ANK1: variants seen among roughly 807,000 people sequenced by gnomAD.
ANK1 encodes the protein ankyrin-1.
Under a neutral mutation model 210.4 loss-of-function variants are expected in ANK1, and 51 were observed. The observed-to-expected ratio is 0.24, with a 90% CI of 0.19 to 0.31. The LOEUF is 0.31. Among genes scored for constraint, ANK1 ranks in the 10% least tolerant of loss-of-function variants. The pLI, the probability that ANK1 is intolerant of heterozygous loss-of-function variation, is 1.00. For synonymous variants in ANK1, 967 were observed against 1,025.9 expected (o/e 0.94, Z 1.10); for missense variants, 2,051 against 2,504.4 (o/e 0.82, Z 3.86).
At position 41,661,513 on chromosome 8, in the gene ANK1, C is replaced by G. The variant is rs1808180274; in HGVS notation, c.5596G>C (p.Gly1866Arg). Residue 1866 changes from glycine (G) to arginine (R), a missense_variant, in exon 42 of 43, where the codon GGG becomes CGG. Around this residue, in one of 6 missense-constraint regions of ANK1, gnomAD observed 496 missense variants for 533.4 expected, o/e 0.93. Transcript: ENST00000289734. The stretch of plus-strand genomic sequence containing the variant: ...CTGGCCCGCTTCACTATCTGCGCCC[C>G]CTTCCTGCCCTCTATCAGGTCCGGC... ...LQPDLIEGRK[G>R]AQIVKRASLK... The G allele has an allele frequency of 6.2e-7, 1 of 1,613,998 alleles. No homozygotes were observed. The highest frequency in any genetic ancestry group is 1.3e-5 in the African/African-American group (1 of 74,930).
rs916332474 is a variant in ANK1, at chr8:41,676,129, C to G, written c.4538-3217G>C. Among the ~76,000 whole-genome samples the G allele has an allele frequency of 2.6e-5, 4 of 152,166 alleles. No individual in the cohort carries two copies. The East Asian group carries it at 5.8e-4, about 22-fold the overall frequency. The stretch of plus-strand genomic sequence containing the variant: ...GGGTAAATAGCTAGGAATGGAATGA[C>G]TTGATTGTACAGTAGGTATATGTTT... On this transcript the variant is annotated intron_variant, in intron 37 of 42. Transcript: ENST00000289734.
intron 36 of ANK1, 75 bp downstream of exon 36, chr8:41,686,077 A>G: frequency 6.2e-7 from 1 of 1,608,158 alleles, no homozygotes. Flanking sequence ...AGTGTCATGA[A>G]TGGAATTTGA....
intron 1 of ANK1, among the ~76,000 whole-genome samples, chr8:41,815,021 C>A (rs139982825): frequency 3.9e-5 from 6 of 152,082 alleles, no homozygotes; most frequent in African/African-American, 1.4e-4. Context: ...ATTTCGAGAT[C>A]AAAAAGATTT....
In ANK1 at chr8:41,714,188, G is replaced by A; in HGVS notation, c.1768C>T (p.Pro590Ser). ...GGGCTGTGCGGGGAGCCGCCCCGGG[G>A]AAGCAGCAGCTTGACGATGTCCAGG... Reference protein sequence around the residue: ...NNLDIVKLLLPRGGSPHSPAW... With the variant: ...NNLDIVKLLLSRGGSPHSPAW... Residue 590 changes from proline to serine, a missense_variant, in exon 16 of 43, where the codon CCC (proline) becomes TCC (serine). Physicochemically the swap from Pro to Ser is moderately conservative, Grantham distance 74. Around this residue, in one of 6 missense-constraint regions of ANK1, gnomAD observed 1,413 missense variants for 1,707.4 expected, o/e 0.83. Transcript: ENST00000289734. 1 of 1,469,704 alleles carries A rather than the reference G, an allele frequency of 6.8e-7. No individual in the cohort carries two copies. The highest frequency in any genetic ancestry group is 1.5e-5 in the South Asian group (1 of 64,990). 91.0% of individuals were successfully genotyped at this position (1,469,704 alleles called of 1,614,324 possible).
chr8:41,747,381 CTT>C (rs1836454827), intron 2 of ANK1, among the ~76,000 whole-genome samples: 1 of 152,156 alleles, frequency 6.6e-6, no homozygotes, highest in African/African-American at 2.4e-5. Flanking sequence ...TGTCCCCTCT[CTT>C]TGCCACACTG....
Position 41,694,991 on chromosome 8 carries a change from G to A in ANK1, c.3115+186C>T, listed in dbSNP as rs190019933. ...CCCAGAGGCCCAGCAGAGCAGATGC[G>A]GCTGCAGGCAGCCGCTGAGCATCCT... On this transcript the variant is annotated intron_variant, in intron 27 of 42. Coordinates refer to ENST00000289734, the MANE Select transcript of ANK1 (RefSeq NM_000037.4). The surrounding 1 kb of genome is among the most constrained non-coding windows in gnomAD (Gnocchi z 5.7). Among the ~76,000 whole-genome samples the A allele has an allele frequency of 3.7e-3, 570 of 152,288 alleles. 3 individuals carry two copies. The highest frequency in any genetic ancestry group is 0.013 in the African/African-American group (542 of 41,562).
intron 1 of ANK1, among the ~76,000 whole-genome samples, chr8:41,878,670 C>G (rs1587584037): frequency 6.6e-6 from 1 of 152,304 alleles, no homozygotes; most frequent in East Asian, 1.9e-4. Context: ...TAACACAGAA[C>G]AGAGCATTGA....
At chr8:41,659,546 A>T (rs147987043) in intron 42 of ANK1, among the ~76,000 whole-genome samples, 2 of 152,322 alleles carry the variant, frequency 1.3e-5, no homozygotes, top group Non-Finnish European at 2.9e-5. Flanking sequence ...GGATGCGGAT[A>T]GTAAATTAGG....
At chr8:41,661,809 G>C in intron 41 of ANK1, 67 bp downstream of exon 41, 1 of 1,613,922 alleles carries the variant, frequency 6.2e-7, no homozygotes, top group Non-Finnish European at 8.5e-7. Context: ...ACCTTGGAGT[G>C]TTTCATAAAG....
chr8:41,714,724 G>A (rs189532847), intron 15 of ANK1, among the ~76,000 whole-genome samples: 2 of 152,176 alleles, frequency 1.3e-5, no homozygotes, highest in Non-Finnish European at 2.9e-5. Context: ...AGCCGGGCAC[G>A]GTGGCAACTG....
At chr8:41,761,373 A>G (rs546007665) in intron 1 of ANK1, among the ~76,000 whole-genome samples, 1,674 of 72,698 alleles carry the variant, frequency 0.023, 38 homozygotes, top group African/African-American at 0.071. Flanking sequence ...ACCTGTGTGC[A>G]CACACACACA....
intron 1 of ANK1, among the ~76,000 whole-genome samples, chr8:41,764,900 G>A (rs1841399380): frequency 1.3e-5 from 2 of 152,192 alleles, no homozygotes; most frequent in African/African-American, 2.4e-5. Context: ...CACAAGGCAC[G>A]TGTTTTGTTA....
At position 41,884,571 on chromosome 8, in the gene ANK1, G is replaced by A. The variant is rs80006572; in HGVS notation, c.126+11784C>T. On this transcript the variant is annotated intron_variant, in intron 1 of 42. Coordinates refer to the ANK1 transcript ENST00000265709. ...GAGTAGAGGCCGAGCACCGCGGCTC[G>A]CATCTGTAATCCCAGAGCTTTCAGA... 1.6e-3 allele frequency among the ~76,000 whole-genome samples: 249 copies of A among 151,822 alleles called. 1 individual carries two copies. The highest frequency in any genetic ancestry group is 5.7e-3 in the African/African-American group (236 of 41,380).
rs776480446 is a variant in ANK1 at position 41,694,810 on chromosome 8, TCA to T, written c.3116-9_3116-8del. On this transcript the variant is annotated splice_polypyrimidine_tract_variant and splice_region_variant and intron_variant, in intron 27 of 42. Transcript: ENST00000289734. This position sits in a 1 kb window ranked among gnomAD's most constrained non-coding sequence, Gnocchi z 5.7. ...TCCTCCAGGCTCCCCAGCTCTGGAA[TCA>T]CACACACAGGCCACCACCCCGGTCA... is the stretch of plus-strand genomic sequence containing the variant. 7 of 1,613,658 alleles carry T rather than the reference TCA, an allele frequency of 4.3e-6. No homozygotes were observed. In the Admixed American group the frequency reaches 5.0e-5, roughly 12 times the overall value.
At chr8:41,753,774 G>GCC (rs34527105) in intron 2 of ANK1, among the ~76,000 whole-genome samples, 47,799 of 151,112 alleles carry the variant, frequency 0.32, 8,163 homozygotes, top group East Asian at 0.66. Context: ...TGTGACTCTC[G>GCC]CCCCTACCTG....
intron 37 of ANK1, among the ~76,000 whole-genome samples, chr8:41,683,033 C>T (rs868199197): frequency 1.3e-5 from 2 of 152,102 alleles, no homozygotes; most frequent in Non-Finnish European, 2.9e-5. Context: ...GCAACACCCA[C>T]GGACACACAC....
At chr8:41,713,099 G>A (rs1826619629) in intron 16 of ANK1, among the ~76,000 whole-genome samples, 1 of 152,238 alleles carries the variant, frequency 6.6e-6, no homozygotes, top group Non-Finnish European at 1.5e-5. Flanking sequence ...TCCCTGCCTG[G>A]GCTGCGGAGG....
chr8:41,797,366 C>T lies in ANK1; in HGVS notation c.27+146G>A, dbSNP rs575686132. The T allele has an allele frequency of 5.9e-4, 410 of 691,898 alleles. 3 individuals carry two copies. Among genetic ancestry groups the T allele is most frequent in the Non-Finnish European group, 7.0e-5 (27 of 388,420 alleles). The allele number at this position is 691,898 out of a possible 1,614,324, so 42.9% of individuals were successfully genotyped here. A position where few individuals can be genotyped will look rare whatever the true frequency, so the allele number is the denominator to read the frequency against. ...GCCTTCAGCTACAAGGTCGATGTGC[C>T]GCTATGCTAAGGCAGGGAGCCCACG... On this transcript the variant is annotated intron_variant, in intron 1 of 42. Coordinates refer to ENST00000289734, the MANE Select transcript of ANK1 (RefSeq NM_000037.4). The surrounding 1 kb of genome is among the most constrained non-coding windows in gnomAD (Gnocchi z 4.0).
At chr8:41,702,291 C>A in intron 20 of ANK1, 147 bp from the exon 21 acceptor site, 1 of 653,586 alleles carries the variant, frequency 1.5e-6, no homozygotes, top group Non-Finnish European at 2.7e-6. Context: ...AGAAAGAGAT[C>A]CCTGCACGTG....
Sources: gnomAD v4.1 joint callset for allele counts (sites outside exome capture counted in the v4.1 genomes callset) on GRCh38, gnomAD v4.1.1 for gene constraint, gnomAD v4.1.1 regional missense constraint, Gnocchi (gnomAD v3.1) non-coding constraint, MANE v1.5 for transcripts, NCBI Gene and HGNC (gene_info 2026-07-23, HGNC 2026-07-21) for gene names.